Variants in TRMT1L observed in about 807,000 individuals in gnomAD.
The protein encoded by TRMT1L is tRNA methyltransferase 1L, also known as tRNA (guanine(27)-N(2))-dimethyltransferase.
Under a neutral mutation model 81.6 loss-of-function variants are expected in TRMT1L, and 28 were observed. The ratio of observed to expected loss-of-function variants is 0.34; its 90% CI spans 0.25 to 0.47. TRMT1L has a LOEUF of 0.47. Ranked by LOEUF, TRMT1L falls within the 20% of genes least tolerant of loss-of-function variation. TRMT1L has a pLI of 1.00. For synonymous variants in TRMT1L, 301 were observed against 303.2 expected, an observed-to-expected ratio of 0.99 and a Z score of 0.07; for missense variants, 739 against 877.1, an observed-to-expected ratio of 0.84 and a Z score of 1.99.
At chr1:185,140,281 A>G in intron 7 of TRMT1L, 59 bp from the exon 8 acceptor site, 1 of 1,315,162 alleles carries the variant, frequency 7.6e-7, no homozygotes, top group Non-Finnish European at 1.0e-6. Context: ...AAGAATAAAA[A>G]TGGTATAACA....
chr1:185,133,062 A>C (rs979564330), intron 10 of TRMT1L, among the ~76,000 whole-genome samples: 6 of 152,208 alleles, frequency 3.9e-5, no homozygotes, highest in Non-Finnish European at 5.9e-5. Context: ...AAGATTACCT[A>C]ATGTGCTTAA....
chr1:185,120,622 A>G, intron 13 of TRMT1L, 113 bp from the exon 14 acceptor site: 1 of 931,704 alleles, frequency 1.1e-6, no homozygotes, highest in South Asian at 4.1e-5. Context: ...CAACCTGACT[A>G]TCCAATCTTA....
At chr1:185,126,360 T>C (rs1043999210) in intron 11 of TRMT1L, among the ~76,000 whole-genome samples, 2 of 152,110 alleles carry the variant, frequency 1.3e-5, no homozygotes, top group African/African-American at 4.8e-5. Flanking sequence ...ACTGGCGCAA[T>C]CTCAGCCCAC....
intron 1 of TRMT1L, among the ~76,000 whole-genome samples, chr1:185,153,928 G>A (rs1022624536): frequency 7.2e-5 from 11 of 152,120 alleles, no homozygotes; most frequent in Non-Finnish European, 1.2e-4. Flanking sequence ...CTATCAGTTC[G>A]TTTACCCATT....
In TRMT1L at chr1:185,139,565, A is replaced by T; in HGVS notation, c.1124T>A (p.Phe375Tyr). Reference protein sequence around the residue: ...RSFDFIHLDPFGTSVNYLDSA... With the variant: ...RSFDFIHLDPYGTSVNYLDSA... ...ATCTAGATAATTCACTGATGTTCCA[A>T]AAGGGTCTAGATGTCTAAAATCAGA... is the stretch of plus-strand genomic sequence containing the variant. The change falls in exon 9 of 15, where the codon TTT (phenylalanine) becomes TAT (tyrosine). Residue 375 changes from phenylalanine (F) to tyrosine (Y), a missense_variant. Physicochemically the swap from Phe to Tyr is conservative, Grantham distance 22. Coordinates refer to ENST00000367506, the MANE Select transcript of TRMT1L (RefSeq NM_030934.5). 1 of 1,612,588 alleles carries T rather than the reference A, an allele frequency of 6.2e-7. No homozygotes were observed. The highest frequency in any genetic ancestry group is 8.5e-7 in the Non-Finnish European group (1 of 1,179,672).
At chr1:185,125,136 A>G in intron 11 of TRMT1L, 26 bp from the exon 12 acceptor site, 1 of 1,537,330 alleles carries the variant, frequency 6.5e-7, no homozygotes, top group Non-Finnish European at 8.7e-7. Context: ...TATACAGAGA[A>G]CTGGGTTTGA....
chr1:185,156,329 C>T (rs1055833128), intron 1 of TRMT1L, 149 bp downstream of exon 1: 1 of 1,553,364 alleles, frequency 6.4e-7, no homozygotes, highest in Non-Finnish European at 8.8e-7. Context: ...CCTGCTTTAG[C>T]CGCTACACGG....
chr1:185,143,522 T>C (rs1397167430), intron 6 of TRMT1L, 86 bp from the exon 7 acceptor site: 1 of 1,190,280 alleles, frequency 8.4e-7, no homozygotes, highest in Admixed American at 2.2e-5. Flanking sequence ...GAACTGAAGT[T>C]CCTAGTTACT....
intron 1 of TRMT1L, among the ~76,000 whole-genome samples, chr1:185,155,305 C>T (rs928198121): frequency 1.3e-5 from 2 of 152,192 alleles, no homozygotes. Context: ...TAGGAGGCTA[C>T]TTAGGAGGGT....
intron 10 of TRMT1L, among the ~76,000 whole-genome samples, chr1:185,137,008 CAA>C (rs1652917316): frequency 6.6e-6 from 1 of 151,254 alleles, no homozygotes; most frequent in Admixed American, 6.6e-5. Context: ...AAAAAAGTGA[CAA>C]AATGAGAAAA....
intron 7 of TRMT1L, among the ~76,000 whole-genome samples, chr1:185,143,014 A>T (rs1653090873): frequency 6.6e-6 from 1 of 152,166 alleles, no homozygotes. Flanking sequence ...TTTATTTTTT[A>T]AAAATCTTTA....
chr1:185,133,751 C>T (rs925669498), intron 10 of TRMT1L, among the ~76,000 whole-genome samples: 1 of 152,072 alleles, frequency 6.6e-6, no homozygotes, highest in African/African-American at 2.4e-5. Flanking sequence ...GCACAAACCA[C>T]TGACCAACAC....
intron 4 of TRMT1L, 25 bp downstream of exon 4, chr1:185,147,151 TTAAAAA>T: frequency 6.6e-7 from 1 of 1,521,646 alleles, no homozygotes. Context: ...AGGACTAAAT[TTAAAAA>T]TAAAAAAATC....
rs558569523 is a variant in TRMT1L, at chr1:185,131,467, C to T, written c.1514-2720G>A. On this transcript the variant is annotated intron_variant, in intron 10 of 14. Transcript: ENST00000367506. ...CAACAATACAAAACAAACAAAAAACCCCTATTCTCCCCTAAATATAAAATA... is the reference window on the plus strand; with the variant it reads ...CAACAATACAAAACAAACAAAAAACTCCTATTCTCCCCTAAATATAAAATA... 1.9e-3 allele frequency among the ~76,000 whole-genome samples: 283 copies of T among 151,796 alleles called. 1 individual carries two copies. Among genetic ancestry groups the T allele is most frequent in the Non-Finnish European group, 3.5e-3 (237 of 67,924 alleles).
intron 5 of TRMT1L, 62 bp from the exon 6 acceptor site, chr1:185,144,091 C>A: frequency 7.1e-7 from 1 of 1,416,964 alleles, no homozygotes; most frequent in Non-Finnish European, 9.5e-7. Context: ...CAAAAGATTT[C>A]CAAGAAAACA....
chr1:185,123,789 C>T, intron 13 of TRMT1L, 68 bp downstream of exon 13: 4 of 937,098 alleles, frequency 4.3e-6, no homozygotes, highest in South Asian at 1.8e-5. Context: ...CTCTTCTCTT[C>T]CTACCCTTTT....
chr1:185,120,384 T>C lies in TRMT1L; in HGVS notation c.1948A>G (p.Lys650Glu). 6.4e-7 allele frequency: 1 copy of C among 1,555,592 alleles called. No homozygotes were observed. Among genetic ancestry groups the C allele is most frequent in the Non-Finnish European group, 8.7e-7 (1 of 1,154,922 alleles). Residue 650 changes from lysine to glutamate, a missense_variant and splice_region_variant, in exon 14 of 15, where the codon AAG becomes GAG. Physicochemically the swap from Lys to Glu is moderately conservative, Grantham distance 56. This residue lies in a region of TRMT1L where 196 missense variants were observed against 232.6 expected (regional missense o/e 0.84). Transcript: ENST00000367506. ...RHSIKGMNMP[K>E]LKKFLCYLSQ... The stretch of plus-strand genomic sequence containing the variant: ...TTTGTCATTCACTGGGTGTCTTACT[T>C]TGGCATATTCATTCCTTTAATGCTG...
intron 10 of TRMT1L, among the ~76,000 whole-genome samples, chr1:185,131,015 T>A (rs532762249): frequency 1.6e-4 from 25 of 152,182 alleles, no homozygotes; most frequent in Non-Finnish European, 3.1e-4. Flanking sequence ...TTTTATTTTT[T>A]TTTTGAGACA....
chr1:185,144,053 T>A, intron 5 of TRMT1L, 24 bp from the exon 6 acceptor site: 1 of 1,557,270 alleles, frequency 6.4e-7, no homozygotes, highest in South Asian at 1.2e-5. Flanking sequence ...AAGAAAAGAT[T>A]TCCAGGGAAA....
Sources: gnomAD v4.1 joint callset for allele counts (sites outside exome capture counted in the v4.1 genomes callset) on GRCh38, gnomAD v4.1.1 for gene constraint, gnomAD v4.1.1 regional missense constraint, MANE v1.5 for transcripts, NCBI Gene and HGNC (gene_info 2026-07-23, HGNC 2026-07-21) for gene names.